Variants in UNC13D observed in about 807,000 individuals in gnomAD.
UNC13D encodes the protein unc-13 homolog D.
A neutral mutation model predicts 151.7 loss-of-function variants in UNC13D; 115 were observed. The ratio of observed to expected loss-of-function variants is 0.76; its 90% CI spans 0.65 to 0.88. The LOEUF (loss-of-function observed/expected upper bound fraction) is 0.88. Among genes scored for constraint, UNC13D ranks in the 40% least tolerant of loss-of-function variants. The pLI, the probability that UNC13D is intolerant of heterozygous loss-of-function variation, is 0.00. For missense variants in UNC13D, 1,369 were observed against 1,438.7 expected, an observed-to-expected ratio of 0.95 and a Z score of 0.78; for synonymous variants, 588 against 612.2, an observed-to-expected ratio of 0.96 and a Z score of 0.58.
intron 29 of UNC13D, 78 bp from the exon 30 acceptor site, chr17:75,830,229 G>A (rs528665939): frequency 5.5e-5 from 86 of 1,557,692 alleles, no homozygotes; most frequent in Middle Eastern, 2.1e-4. Flanking sequence ...TCTGCTCAGC[G>A]GCACTGACCC....
chr17:75,828,796 C>G lies in UNC13D; in HGVS notation c.3142G>C (p.Ala1048Pro). 1 of 1,544,820 alleles carries G rather than the reference C, an allele frequency of 6.5e-7. No individual in the cohort carries two copies. Among genetic ancestry groups the G allele is most frequent in the Non-Finnish European group, 8.7e-7 (1 of 1,146,276 alleles). ...CTGGGCTCAGGCCTACCGTTGGGTG[C>G]GGGGTACGTGAGGGGCAGGCGGGTC... ...PQTRLPLTYPAPNGDPILQLL... is the reference protein window; with the variant it reads ...PQTRLPLTYPPPNGDPILQLL... The change falls in exon 31 of 32, where the codon GCA becomes CCA. Residue 1048 changes from alanine to proline, a missense_variant. Transcript: ENST00000207549.
intron 19 of UNC13D, 56 bp from the exon 20 acceptor site, chr17:75,835,585 G>T: frequency 6.2e-7 from 1 of 1,610,510 alleles, no homozygotes; most frequent in Non-Finnish European, 8.5e-7. Context: ...GGACCCTGGG[G>T]CCTCGTCCAC....
At position 75,832,853 on chromosome 17, in the gene UNC13D, C is replaced by T; in HGVS notation, c.2447+113G>A. The T allele has an allele frequency of 5.5e-6, 6 of 1,082,086 alleles. No individual in the cohort carries two copies. Among genetic ancestry groups the T allele is most frequent in the South Asian group, 1.4e-5 (1 of 71,654 alleles). 67.0% of individuals were successfully genotyped at this position (1,082,086 alleles called of 1,614,324 possible). On this transcript the variant is annotated intron_variant, in intron 25 of 31. Transcript: ENST00000207549. This position sits in a 1 kb window ranked among gnomAD's most constrained non-coding sequence, Gnocchi z 4.3. Reference sequence around the variant, plus strand: ...GGAGAGGGGGAGGTGGCGAGCGCGCCCAGGGCAGGGGCTGCTACACCCCTC... The same window carrying T: ...GGAGAGGGGGAGGTGGCGAGCGCGCTCAGGGCAGGGGCTGCTACACCCCTC...
Position 75,840,192 on chromosome 17 carries a change from T to G in UNC13D, c.858+33A>C. ...CAACCCAGCAGACCGCCGCAAGAGC[T>G]GGGCATGGCCACTGGCCCAGTACCC... On this transcript the variant is annotated intron_variant, in intron 10 of 31. Transcript: ENST00000207549. The surrounding 1 kb of genome is among the most constrained non-coding windows in gnomAD (Gnocchi z 4.6). 1 of 1,613,274 alleles carries G rather than the reference T, an allele frequency of 6.2e-7. No individual in the cohort carries two copies. The highest frequency in any genetic ancestry group is 8.5e-7 in the Non-Finnish European group (1 of 1,179,576).
chr17:75,834,083 G>A lies in UNC13D; in HGVS notation c.2359C>T (p.Pro787Ser). 1 of 1,613,780 alleles carries A rather than the reference G, an allele frequency of 6.2e-7. No individual in the cohort carries two copies. Among genetic ancestry groups the A allele is most frequent in the Non-Finnish European group, 8.5e-7 (1 of 1,180,024 alleles). Residue 787 changes from proline (P) to serine (S), a missense_variant, in exon 24 of 32, where the codon CCT becomes TCT. Pro to Ser is a moderately conservative substitution (Grantham distance 74, BLOSUM62 -1). Coordinates refer to ENST00000207549, the MANE Select transcript of UNC13D (RefSeq NM_199242.3). ...KLVGVRESVL[P>S]EDAILPLMKF... Reference sequence around the variant, plus strand: ...GCAGAAGGGCCACTTACATCCTCAGGCAGGACAGACTCCCTGACGCCCACC... The same window carrying A: ...GCAGAAGGGCCACTTACATCCTCAGACAGGACAGACTCCCTGACGCCCACC...
In UNC13D at chr17:75,827,807, G is replaced by A; in HGVS notation, c.*158C>T. The A allele has an allele frequency of 6.7e-7, 1 of 1,485,404 alleles. No individual in the cohort carries two copies. Among genetic ancestry groups the A allele is most frequent in the East Asian group, 2.5e-5 (1 of 40,226 alleles). The allele number at this position is 1,485,404 out of a possible 1,614,324, so 92.0% of individuals were successfully genotyped here. ...CTGCTGAGCCCCCATCACCATGGGA[G>A]GCAGGGGAGGTCTGCACTCTGGGCA... is the stretch of plus-strand genomic sequence containing the variant. On this transcript the variant is annotated 3_prime_UTR_variant, in exon 32 of 32. Transcript: ENST00000207549.
chr17:75,839,200 G>T (rs12603812), intron 12 of UNC13D, among the ~76,000 whole-genome samples: 2 of 151,634 alleles, frequency 1.3e-5, no homozygotes, highest in Non-Finnish European at 2.9e-5. Flanking sequence ...GTCGGGAGTT[G>T]GAGACCAGCT....
chr17:75,839,826 G>C lies in UNC13D; in HGVS notation c.1055+13C>G. 2 of 1,613,186 alleles carry C rather than the reference G, an allele frequency of 1.2e-6. No homozygotes were observed. On this transcript the variant is annotated intron_variant, in intron 12 of 31. Transcript: ENST00000207549. ...TGGTGGCTCAGGGGTTCTGCCCAGG[G>C]CTGTGTACTCACGCCATGGACTGGT...
In UNC13D at chr17:75,828,003, TG is replaced by T; in HGVS notation, c.3234del (p.Lys1079SerfsTer48). 1 of 1,600,592 alleles carries T rather than the reference TG, an allele frequency of 6.2e-7. No homozygotes were observed. Among genetic ancestry groups the T allele is most frequent in the East Asian group, 2.3e-5 (1 of 44,012 alleles). ...CGCAAGGCATGCTGGGAGGCCTGCTTGGCCCGGTGCCGCCGCAGCCTCACAA... is the reference window on the plus strand; with the variant it reads ...CGCAAGGCATGCTGGGAGGCCTGCTTGCCCGGTGCCGCCGCAGCCTCACAA... ...QVFVRLRRHR[A>X]KQASQHALRP... On this transcript the variant is annotated frameshift_variant, in exon 32 of 32. Transcript: ENST00000207549. LOFTEE classifies it high-confidence loss of function.
At position 75,836,232 on chromosome 17, in the gene UNC13D, G is replaced by A. The variant is rs151134723; in HGVS notation, c.1414C>T (p.Leu472=). Residue 472 remains leucine (L), a synonymous_variant, in exon 16 of 32, where the codon CTG becomes TTG. Coordinates refer to ENST00000207549, the MANE Select transcript of UNC13D (RefSeq NM_199242.3). ...LQTGTTEWFH[L]KQQHHQPMVQ... is the part of the protein sequence containing the mutation. ...ATGGGTTGATGGTGCTGCTGCTTCA[G>A]GTGGAACCATTCAGTGGTGCCAGTC... 1 of 1,612,602 alleles carries A rather than the reference G, an allele frequency of 6.2e-7. No individual in the cohort carries two copies. Among genetic ancestry groups the A allele is most frequent in the Non-Finnish European group, 8.5e-7 (1 of 1,179,622 alleles).
chr17:75,840,282 A>C lies in UNC13D; in HGVS notation c.801T>G (p.Thr267=), dbSNP rs780425175. The change falls in exon 10 of 32, where the codon ACT becomes ACG. Residue 267 remains threonine, a synonymous_variant. Transcript: ENST00000207549. The surrounding 1 kb of genome is among the most constrained non-coding windows in gnomAD (Gnocchi z 4.6). ...EDQWYPLEPR[T]ETYPDRGQCH... ...ACTGGCCTCGGTCTGGGTAGGTCTC[A>C]GTGCGGGGTTCCAGGGGGTACCACT... is the stretch of plus-strand genomic sequence containing the variant. 3.1e-6 allele frequency: 5 copies of C among 1,613,838 alleles called. No individual in the cohort carries two copies. Among genetic ancestry groups the C allele is most frequent in the South Asian group, 1.1e-5 (1 of 91,084 alleles).
chr17:75,827,948 A>C lies in UNC13D; in HGVS notation c.*17T>G. On this transcript the variant is annotated 3_prime_UTR_variant, in exon 32 of 32. Transcript: ENST00000207549. ...AAGTCCCCACCGGGGACCCAGCCCC[A>C]CCGCAAACCTCTACGGCTACGGTGC... 1 of 1,608,376 alleles carries C rather than the reference A, an allele frequency of 6.2e-7. No homozygotes were observed. The highest frequency in any genetic ancestry group is 8.5e-7 in the Non-Finnish European group (1 of 1,178,818).
Position 75,827,463 on chromosome 17 carries a change from G to T in UNC13D, c.*502C>A, listed in dbSNP as rs987164404. The T allele has an allele frequency of 4.8e-5, 70 of 1,458,318 alleles. No individual in the cohort carries two copies. The highest frequency in any genetic ancestry group is 6.0e-5 in the Non-Finnish European group (66 of 1,105,664). The allele number at this position is 1,458,318 out of a possible 1,614,324, so 90.3% of individuals were successfully genotyped here. A position where few individuals can be genotyped will look rare whatever the true frequency, so the allele number is the denominator to read the frequency against. On this transcript the variant is annotated 3_prime_UTR_variant, in exon 32 of 32. Transcript: ENST00000207549. The stretch of plus-strand genomic sequence containing the variant: ...GGCAGCCCCTGGGGAGAGGACCCAG[G>T]CCCCCTCTAGTAATGGCCACCACCC...
intron 1 of UNC13D, 81 bp downstream of exon 1, chr17:75,844,140 G>C: frequency 6.4e-7 from 1 of 1,559,440 alleles, no homozygotes; most frequent in Non-Finnish European, 8.7e-7. Context: ...TTCGAGAGGT[G>C]GGGCCAGACA....
rs769428053 is a variant in UNC13D at position 75,843,656 on chromosome 17, C to T, written c.118-137G>A. ...CCCCGGCCTCCAGCCCCAGTGATGC[C>T]CCGCACCTGTTCCCCCAGCAGGCCT... is the stretch of plus-strand genomic sequence containing the variant. On this transcript the variant is annotated intron_variant, in intron 1 of 31. Transcript: ENST00000207549. 8.7e-6 allele frequency: 13 copies of T among 1,501,498 alleles called. No individual in the cohort carries two copies. In the South Asian group the frequency reaches 1.0e-4, roughly 12 times the overall value. The allele number at this position is 1,501,498 out of a possible 1,614,324, so 93.0% of individuals were successfully genotyped here.
At chr17:75,830,176 G>C (rs377644361) in intron 29 of UNC13D, 25 bp from the exon 30 acceptor site, 1 of 1,580,942 alleles carries the variant, frequency 6.3e-7, no homozygotes, top group Non-Finnish European at 8.6e-7. Context: ...GGGAGTGTGC[G>C]TCAGCTGAGG....
chr17:75,828,755 C>G lies in UNC13D; in HGVS notation c.3151+32G>C, dbSNP rs776400339. 1.1e-5 allele frequency: 17 copies of G among 1,501,348 alleles called. No individual in the cohort carries two copies. In the South Asian group the frequency reaches 2.1e-4, roughly 18 times the overall value. The allele number at this position is 1,501,348 out of a possible 1,614,324, so 93.0% of individuals were successfully genotyped here. ...TGCCTGAGCTTTACAGGCTCCCGTC[C>G]CCGCACCACCCTGCCCTGGGCTCAG... On this transcript the variant is annotated intron_variant, in intron 31 of 31. Transcript: ENST00000207549.
chr17:75,834,769 G>A, intron 21 of UNC13D, 53 bp from the exon 22 acceptor site: 2 of 1,608,818 alleles, frequency 1.2e-6, no homozygotes, highest in South Asian at 2.2e-5. Context: ...CATCCAGGAA[G>A]GGCAGGTGGG....
chr17:75,828,203 A>C, intron 31 of UNC13D, 117 bp from the exon 32 acceptor site: 1 of 1,445,992 alleles, frequency 6.9e-7, no homozygotes, highest in Non-Finnish European at 9.3e-7. Flanking sequence ...ACAACCTGGA[A>C]GGAAACAAGT....
Sources: gnomAD v4.1 joint callset for allele counts (sites outside exome capture counted in the v4.1 genomes callset) on GRCh38, gnomAD v4.1.1 for gene constraint, Gnocchi (gnomAD v3.1) non-coding constraint, MANE v1.5 for transcripts, NCBI Gene and HGNC (gene_info 2026-07-23, HGNC 2026-07-21) for gene names.